CEP57L1: variants seen among roughly 807,000 people sequenced by gnomAD.
CEP57L1 encodes the protein centrosomal protein CEP57L1.
CEP57L1 carries 37 observed loss-of-function variants against 61.0 expected under a neutral mutation model. That is an observed-to-expected ratio of 0.61 (90% CI 0.47 to 0.80). CEP57L1 has a LOEUF of 0.80. CEP57L1 is among the 30% of genes least tolerant of loss of function. The probability of loss-of-function intolerance (pLI) is 0.00; values close to 1 mark genes in which losing one functional copy is unlikely to be tolerated. For synonymous variants in CEP57L1, 137 were observed against 162.3 expected (o/e 0.84, Z 1.19); for missense variants, 422 against 524.7 (o/e 0.80, Z 1.91).
intron 1 of CEP57L1, among the ~76,000 whole-genome samples, chr6:109,108,711 C>T (rs1771219992): frequency 1.3e-5 from 2 of 151,970 alleles, no homozygotes; most frequent in African/African-American, 2.4e-5. Flanking sequence ...TCAATTTTAC[C>T]ATCTCATTTA....
At chr6:109,114,812 GTTA>G (rs1348219775) in intron 1 of CEP57L1, among the ~76,000 whole-genome samples, 1 of 152,020 alleles carries the variant, frequency 6.6e-6, no homozygotes, top group African/African-American at 2.4e-5. Context: ...GGTGACTATA[GTTA>G]TTATATTTCA....
rs544452799 is a variant in CEP57L1 at position 109,159,052 on chromosome 6, C to T, written c.772C>T (p.Pro258Ser). ...KKTKCIKRRP[P>S]WQICSKFGAL... is the part of the protein sequence containing the mutation. ...AACTAAATGTATAAAGAGACGACCACCTTGGCAAATTTGTTCAAAGTTTGG... is the reference window on the plus strand; with the variant it reads ...AACTAAATGTATAAAGAGACGACCATCTTGGCAAATTTGTTCAAAGTTTGG... The change falls in exon 8 of 11, where the codon CCT becomes TCT. Residue 258 changes from proline (P) to serine (S), a missense_variant. Pro to Ser is a moderately conservative substitution (Grantham distance 74). Transcript: ENST00000517392. 7.4e-6 allele frequency: 12 copies of T among 1,613,636 alleles called. No individual in the cohort carries two copies. The South Asian group carries it at 1.2e-4, about 16-fold the overall frequency.
At chr6:109,148,128 A>T (rs549510486) in intron 3 of CEP57L1, among the ~76,000 whole-genome samples, 8 of 151,440 alleles carry the variant, frequency 5.3e-5, no homozygotes, top group East Asian at 3.9e-4. Flanking sequence ...TTATTTTATT[A>T]TTATTATACT....
chr6:109,144,886 C>T (rs778933531), intron 1 of CEP57L1, among the ~76,000 whole-genome samples: 33 of 152,010 alleles, frequency 2.2e-4, no homozygotes, highest in Non-Finnish European at 4.0e-4. Context: ...TAGAGTCACA[C>T]TGCTTATAGA....
chr6:109,126,687 G>A (rs889682489), intron 1 of CEP57L1, among the ~76,000 whole-genome samples: 1 of 152,078 alleles, frequency 6.6e-6, no homozygotes, highest in African/African-American at 2.4e-5. Context: ...ATTCAATAAG[G>A]AGAAATCTAA....
chr6:109,111,444 A>C (rs1286427108), intron 1 of CEP57L1, among the ~76,000 whole-genome samples: 1 of 152,074 alleles, frequency 6.6e-6, no homozygotes, highest in African/African-American at 2.4e-5. Flanking sequence ...GGGTTTTCTA[A>C]ATATACAATC....
intron 1 of CEP57L1, among the ~76,000 whole-genome samples, chr6:109,136,477 A>G (rs1261709528): frequency 1.3e-5 from 2 of 151,946 alleles, no homozygotes; most frequent in Non-Finnish European, 2.9e-5. Context: ...TGACGAGTTA[A>G]TGGGTGCAGC....
intron 1 of CEP57L1, among the ~76,000 whole-genome samples, chr6:109,119,224 T>C (rs1772664281): frequency 6.6e-6 from 1 of 152,100 alleles, no homozygotes; most frequent in Non-Finnish European, 1.5e-5. Context: ...CACTGAAGAG[T>C]TTGAAGCATT....
At chr6:109,115,001 A>G (rs1300452472) in intron 1 of CEP57L1, among the ~76,000 whole-genome samples, 14 of 152,132 alleles carry the variant, frequency 9.2e-5, no homozygotes, top group Non-Finnish European at 1.8e-4. Context: ...AAATAAAACT[A>G]ATAAAAATAC....
intron 1 of CEP57L1, among the ~76,000 whole-genome samples, chr6:109,142,512 T>TA (rs1771496120): frequency 6.6e-6 from 1 of 151,930 alleles, no homozygotes. Context: ...AGCAAACTAA[T>TA]ATGGCACATG....
intron 1 of CEP57L1, chr6:109,106,227 C>T (rs1770918736): frequency 6.6e-6 from 1 of 152,192 alleles, no homozygotes; most frequent in Non-Finnish European, 1.5e-5. Context: ...GAAAAATCGT[C>T]TTTCATGAAA....
rs200263962 is a variant in CEP57L1, at chr6:109,105,188, AT to A, written c.-4+9618del. On this transcript the variant is annotated intron_variant, in intron 1 of 10. Coordinates refer to ENST00000517392, the MANE Select transcript of CEP57L1 (RefSeq NM_001271852.3). ...TGTTTTTTGTTATACAGACATTTTA[AT>A]TTTTATATAGTTTTATCATTTTTTC... Among the ~76,000 whole-genome samples the A allele has an allele frequency of 1.1e-3, 163 of 152,072 alleles. 1 individual carries two copies. Among genetic ancestry groups the A allele is most frequent in the African/African-American group, 3.5e-3 (147 of 41,536 alleles).
chr6:109,097,380 A>G (rs1444959122), intron 1 of CEP57L1, among the ~76,000 whole-genome samples: 1 of 152,212 alleles, frequency 6.6e-6, no homozygotes, highest in Non-Finnish European at 1.5e-5. Context: ...CTTGGTTAAA[A>G]CTATTCAGTG....
chr6:109,149,799 C>T (rs1362364215), intron 3 of CEP57L1, among the ~76,000 whole-genome samples: 2 of 152,116 alleles, frequency 1.3e-5, no homozygotes, highest in Non-Finnish European at 2.9e-5. Context: ...TTTCATTGAG[C>T]AGTGGTTTGT....
At chr6:109,132,925 T>A (rs1395365778) in intron 1 of CEP57L1, among the ~76,000 whole-genome samples, 1 of 152,138 alleles carries the variant, frequency 6.6e-6, no homozygotes, top group Non-Finnish European at 1.5e-5. Flanking sequence ...CTTATGCTTA[T>A]TTTTTCTATT....
chr6:109,144,757 A>T (rs1712224081), intron 1 of CEP57L1, among the ~76,000 whole-genome samples: 2 of 152,130 alleles, frequency 1.3e-5, no homozygotes, highest in Admixed American at 6.6e-5. Flanking sequence ...ACCCTTGAAA[A>T]TCCCTTAGGA....
chr6:109,136,201 G>A (rs574241988), intron 1 of CEP57L1, among the ~76,000 whole-genome samples: 80 of 152,326 alleles, frequency 5.3e-4, no homozygotes, highest in African/African-American at 1.9e-3. Flanking sequence ...TTAAGAAAAT[G>A]TGGCACATAT....
chr6:109,104,183 A>G lies in CEP57L1; in HGVS notation c.-4+8608A>G, dbSNP rs145112079. Among the ~76,000 whole-genome samples, 1,317 of 152,198 alleles carry G rather than the reference A, an allele frequency of 8.7e-3. 23 individuals are homozygous for G. Among genetic ancestry groups the G allele is most frequent in the African/African-American group, 0.03 (1,249 of 41,538 alleles). On this transcript the variant is annotated intron_variant, in intron 1 of 10. Coordinates refer to ENST00000517392, the MANE Select transcript of CEP57L1 (RefSeq NM_001271852.3). ...TAACTTACTTTCTGTTTTACTCAAC[A>G]ATATATTTTCAGAGCTTATCTGTGT...
At chr6:109,156,239 T>C (rs1308162675) in intron 7 of CEP57L1, 1 of 158,006 alleles carries the variant, frequency 6.3e-6, no homozygotes, top group African/African-American at 2.4e-5. Flanking sequence ...GAGAAACATA[T>C]TTTGTGATAG....
Sources: gnomAD v4.1 joint callset for allele counts (sites outside exome capture counted in the v4.1 genomes callset) on GRCh38, gnomAD v4.1.1 for gene constraint, MANE v1.5 for transcripts, NCBI Gene and HGNC (gene_info 2026-07-23, HGNC 2026-07-21) for gene names.